Variants in NSG2 observed in about 807,000 individuals in gnomAD.
NSG2 encodes the protein neuronal vesicle trafficking-associated protein 2.
NSG2 carries 4 observed loss-of-function variants against 16.9 expected under a neutral mutation model. That is an observed-to-expected ratio of 0.24 (90% CI 0.12 to 0.54). The LOEUF is 0.54. NSG2 is among the 20% of genes least tolerant of loss of function. The pLI, the probability that NSG2 is intolerant of heterozygous loss-of-function variation, is 0.95. For missense variants in NSG2, 179 were observed against 221.1 expected (o/e 0.81, Z 1.21); for synonymous variants, 98 against 88.7 (o/e 1.11, Z -0.59).
chr5:174,060,030 C>T (rs1355732875), intron 2 of NSG2, among the ~76,000 whole-genome samples: 1 of 152,162 alleles, frequency 6.6e-6, no homozygotes, highest in Non-Finnish European at 1.5e-5. Flanking sequence ...TGGTCAATCC[C>T]ACTGAACCAC....
chr5:174,064,135 C>A, intron 2 of NSG2, 97 bp from the exon 3 acceptor site: 1 of 802,746 alleles, frequency 1.2e-6, no homozygotes, highest in Non-Finnish European at 1.9e-6. Flanking sequence ...TTTTTTTGAT[C>A]TTTATGTCAT....
At chr5:174,094,854 T>A (rs1760769686) in intron 3 of NSG2, among the ~76,000 whole-genome samples, 1 of 152,186 alleles carries the variant, frequency 6.6e-6, no homozygotes, top group Admixed American at 6.5e-5. Flanking sequence ...GGATAAGGTG[T>A]GGGCTAGGGA....
At chr5:174,086,509 G>A (rs1325697670) in intron 3 of NSG2, 1 of 152,168 alleles carries the variant, frequency 6.6e-6, no homozygotes, top group Non-Finnish European at 1.5e-5. Context: ...TTCCCTCTAG[G>A]TCCCGAGCAT....
At chr5:174,095,704 G>A (rs969186415) in intron 3 of NSG2, among the ~76,000 whole-genome samples, 3 of 152,136 alleles carry the variant, frequency 2.0e-5, no homozygotes, top group Admixed American at 6.5e-5. Flanking sequence ...GCCACCACTC[G>A]ACCCACTTTC....
In NSG2 at chr5:174,107,633, G is replaced by T. The variant is rs758314275; in HGVS notation, c.*128G>T. ...GGCGGGGGCGGGGCAGGGCAGGGTG[G>T]GGGGAAGAACGCACCAAAAACGTGG... On this transcript the variant is annotated 3_prime_UTR_variant, in exon 5 of 5. Coordinates refer to ENST00000303177, the MANE Select transcript of NSG2 (RefSeq NM_015980.5). The surrounding 1 kb of genome is among the most constrained non-coding windows in gnomAD (Gnocchi z 4.5). The T allele has an allele frequency of 3.3e-5, 27 of 815,220 alleles. No homozygotes were observed. The highest frequency in any genetic ancestry group is 1.2e-4 in the Admixed American group (6 of 50,124). The allele number at this position is 815,220 out of a possible 1,614,324, so 50.5% of individuals were successfully genotyped here.
At chr5:174,064,096 C>T (rs1440612372) in intron 2 of NSG2, 136 bp from the exon 3 acceptor site, 2 of 564,464 alleles carry the variant, frequency 3.5e-6, no homozygotes, top group South Asian at 3.5e-5. Flanking sequence ...TGAATTTTCT[C>T]TTACGTGTGT....
chr5:174,066,642 AATT>A (rs1760143879), intron 3 of NSG2, among the ~76,000 whole-genome samples: 1 of 152,128 alleles, frequency 6.6e-6, no homozygotes, highest in African/African-American at 2.4e-5. Flanking sequence ...ATGTGCACTT[AATT>A]ATTTCAATAA....
chr5:174,052,747 G>A (rs1759910823), intron 2 of NSG2, among the ~76,000 whole-genome samples: 1 of 152,158 alleles, frequency 6.6e-6, no homozygotes, highest in African/African-American at 2.4e-5. Context: ...GCTCAGACAG[G>A]TGGAAGGCTG....
intron 3 of NSG2, among the ~76,000 whole-genome samples, chr5:174,097,575 G>T (rs985346125): frequency 4.1e-5 from 6 of 146,314 alleles, no homozygotes; most frequent in African/African-American, 1.6e-4. Flanking sequence ...GTAACTGTGT[G>T]TGTGTCTGTG....
intron 2 of NSG2, among the ~76,000 whole-genome samples, chr5:174,062,009 G>A (rs1471629903): frequency 6.6e-6 from 1 of 151,508 alleles, no homozygotes; most frequent in Non-Finnish European, 1.5e-5. Flanking sequence ...GGCTAGGTAG[G>A]GTGACACTGC....
intron 3 of NSG2, among the ~76,000 whole-genome samples, chr5:174,081,886 T>TAA (rs1760477598): frequency 1.6e-5 from 1 of 64,446 alleles, no homozygotes. Flanking sequence ...AGACTCCGAC[T>TAA]CAAAAAAAAA....
At chr5:174,095,600 A>T (rs79464400) in intron 3 of NSG2, among the ~76,000 whole-genome samples, 11 of 152,110 alleles carry the variant, frequency 7.2e-5, no homozygotes, top group African/African-American at 2.4e-4. Context: ...TCATCTCAAG[A>T]TTCTTAACTA....
chr5:174,060,818 G>C lies in NSG2; in HGVS notation c.130-3414G>C, dbSNP rs1046651316. ...GGTTGAGGGTTGCCCTCAGGTACTA[G>C]CTGCATGGCTGTCTTTCAGCATGTC... On this transcript the variant is annotated intron_variant, in intron 2 of 4. Coordinates refer to ENST00000303177, the MANE Select transcript of NSG2 (RefSeq NM_015980.5). Among the ~76,000 whole-genome samples, 60 of 152,186 alleles carry C rather than the reference G, an allele frequency of 3.9e-4. 1 individual carries two copies. The highest frequency in any genetic ancestry group is 1.4e-3 in the African/African-American group (57 of 41,438).
chr5:174,089,252 G>T (rs1302619910), intron 3 of NSG2, among the ~76,000 whole-genome samples: 1 of 152,208 alleles, frequency 6.6e-6, no homozygotes, highest in Non-Finnish European at 1.5e-5. Flanking sequence ...CAAAGCTGGG[G>T]TTGAGGCTCA....
At chr5:174,104,012 A>G (rs574120189) in intron 3 of NSG2, among the ~76,000 whole-genome samples, 2 of 152,188 alleles carry the variant, frequency 1.3e-5, no homozygotes, top group African/African-American at 2.4e-5. Flanking sequence ...AAAAACCAAA[A>G]CAAAAAAAAT....
At chr5:174,053,132 T>C (rs970134840) in intron 2 of NSG2, among the ~76,000 whole-genome samples, 14 of 152,206 alleles carry the variant, frequency 9.2e-5, no homozygotes, top group Non-Finnish European at 1.8e-4. Context: ...TGTGTAGCTT[T>C]AGGCACATTG....
chr5:174,089,222 G>A (rs1760682829), intron 3 of NSG2, among the ~76,000 whole-genome samples: 1 of 152,170 alleles, frequency 6.6e-6, no homozygotes, highest in Non-Finnish European at 1.5e-5. Flanking sequence ...CTAACTCCGA[G>A]GGGCAGCACC....
chr5:174,046,014 A>T (rs1275953290), intron 1 of NSG2, 171 bp downstream of exon 1: 1 of 151,906 alleles, frequency 6.6e-6, no homozygotes, highest in Non-Finnish European at 1.5e-5. Flanking sequence ...CTTCTAAGGG[A>T]TCTGGAGATG....
intron 3 of NSG2, among the ~76,000 whole-genome samples, chr5:174,101,545 C>T (rs558373838): frequency 6.6e-6 from 1 of 152,320 alleles, no homozygotes; most frequent in South Asian, 2.1e-4. Context: ...GATGGAATCA[C>T]ATGACATGTG....
Sources: allele counts gnomAD v4.1 joint callset (sites outside exome capture counted in the v4.1 genomes callset), GRCh38; gene constraint gnomAD v4.1.1; non-coding constraint Gnocchi (gnomAD v3.1); transcripts MANE v1.5; gene names NCBI Gene and HGNC (gene_info 2026-07-23, HGNC 2026-07-21).